Variants in BANK1 observed in about 807,000 individuals in gnomAD.
BANK1 encodes B cell scaffold protein with ankyrin repeats 1.
A neutral mutation model predicts 94.5 loss-of-function variants in BANK1; 95 were observed. The ratio of observed to expected loss-of-function variants is 1.00; its 90% CI spans 0.85 to 1.19. The LOEUF is 1.19. Ranked by LOEUF, BANK1 falls within the 50% of genes most tolerant of loss-of-function variation. The pLI, the probability that BANK1 is intolerant of heterozygous loss-of-function variation, is 0.00. For missense variants in BANK1, 987 were observed against 932.2 expected, an observed-to-expected ratio of 1.06 and a Z score of -0.77; for synonymous variants, 334 against 308.4, an observed-to-expected ratio of 1.08 and a Z score of -0.87.
chr4:101,881,766 C>T (rs1428120160), intron 5 of BANK1, among the ~76,000 whole-genome samples: 1 of 152,138 alleles, frequency 6.6e-6, no homozygotes, highest in Non-Finnish European at 1.5e-5. Flanking sequence ...TCATTTGCAA[C>T]AACATGGATA....
chr4:101,888,020 A>G (rs1290669960), intron 5 of BANK1, among the ~76,000 whole-genome samples: 1 of 152,194 alleles, frequency 6.6e-6, no homozygotes, highest in East Asian at 1.9e-4. Flanking sequence ...TATGTAAACT[A>G]TTTATCAAAT....
rs144425950 is a variant in BANK1, at chr4:101,958,827, A to G, written c.1206+40638A>G. ...CTGCTAGCACAGTGGCTGCAGTCCA[A>G]AACTCTAGTGGTAGACTGAATGACA... On this transcript the variant is annotated intron_variant, in intron 7 of 16. Coordinates refer to ENST00000322953, the MANE Select transcript of BANK1 (RefSeq NM_017935.5). Among the ~76,000 whole-genome samples, 67 of 152,324 alleles carry G rather than the reference A, an allele frequency of 4.4e-4. No individual in the cohort carries two copies. In the East Asian group the frequency reaches 0.01, roughly 23 times the overall value.
In BANK1 at chr4:101,974,807, AT is replaced by A. The variant is rs1485081493; in HGVS notation, c.1207-46705del. ...TACTAAAAATACAAAAAAAAAAAAAATTAGCTGGGCACGGTGGCAGGTGCCT... is the reference window on the plus strand; with the variant it reads ...TACTAAAAATACAAAAAAAAAAAAAATAGCTGGGCACGGTGGCAGGTGCCT... On this transcript the variant is annotated intron_variant, in intron 7 of 16. Transcript: ENST00000322953. 7.9e-5 allele frequency among the ~76,000 whole-genome samples: 11 copies of A among 139,236 alleles called. No individual in the cohort carries two copies. The East Asian group carries it at 1.5e-3, about 18-fold the overall frequency. 91.3% of individuals were successfully genotyped at this position (139,236 alleles called of 152,430 possible). A position where few individuals can be genotyped will look rare whatever the true frequency, so the allele number is the denominator to read the frequency against.
chr4:101,908,606 A>G (rs1722549275), intron 6 of BANK1, among the ~76,000 whole-genome samples: 1 of 152,228 alleles, frequency 6.6e-6, no homozygotes, highest in African/African-American at 2.4e-5. Flanking sequence ...AACTACCATC[A>G]GAGTGAACAG....
chr4:101,797,571 C>T (rs1344693159), intron 1 of BANK1, among the ~76,000 whole-genome samples: 2 of 151,940 alleles, frequency 1.3e-5, no homozygotes, highest in African/African-American at 4.8e-5. Flanking sequence ...AGAACTATTA[C>T]TTACATACCT....
intron 7 of BANK1, among the ~76,000 whole-genome samples, chr4:101,987,223 C>A: frequency 6.6e-6 from 1 of 151,566 alleles, no homozygotes; most frequent in East Asian, 1.9e-4. Context: ...GGTAATCAGT[C>A]CAGTTAATTA....
At chr4:101,830,290 A>G (rs1726567645) in intron 2 of BANK1, 84 bp downstream of exon 2, 6 of 1,145,790 alleles carry the variant, frequency 5.2e-6, no homozygotes, top group African/African-American at 1.6e-5. Flanking sequence ...TTTTAGAACC[A>G]ATAACTGGTG....
intron 2 of BANK1, among the ~76,000 whole-genome samples, chr4:101,833,557 C>T (rs929385520): frequency 1.3e-5 from 2 of 152,120 alleles, no homozygotes; most frequent in African/African-American, 4.8e-5. Flanking sequence ...TACAAGGTAC[C>T]CTTAGCCTTA....
intron 6 of BANK1, among the ~76,000 whole-genome samples, chr4:101,903,960 G>C (rs1372330437): frequency 6.6e-6 from 1 of 152,154 alleles, no homozygotes; most frequent in African/African-American, 2.4e-5. Context: ...GCAGCACAAA[G>C]TATATCATCC....
At chr4:101,823,264 C>A (rs1170777396) in intron 1 of BANK1, among the ~76,000 whole-genome samples, 1 of 152,068 alleles carries the variant, frequency 6.6e-6, no homozygotes, top group Non-Finnish European at 1.5e-5. Flanking sequence ...AATATATTTT[C>A]AAAAAATTTT....
chr4:101,898,970 T>G (rs1722184288), intron 6 of BANK1, among the ~76,000 whole-genome samples: 1 of 152,070 alleles, frequency 6.6e-6, no homozygotes, highest in South Asian at 2.1e-4. Context: ...AGTGAGGAAT[T>G]ACTACTCTCT....
At chr4:102,008,337 T>C (rs914784585) in intron 7 of BANK1, among the ~76,000 whole-genome samples, 1 of 152,210 alleles carries the variant, frequency 6.6e-6, no homozygotes, top group Non-Finnish European at 1.5e-5. Context: ...GTGAAACTCC[T>C]TTGAAAAACA....
intron 7 of BANK1, among the ~76,000 whole-genome samples, chr4:102,020,401 A>T (rs1270105290): frequency 3.3e-5 from 5 of 152,126 alleles, no homozygotes; most frequent in Non-Finnish European, 5.9e-5. Context: ...ATCAAAGGGA[A>T]AATATAATTG....
intron 5 of BANK1, among the ~76,000 whole-genome samples, chr4:101,885,553 T>C (rs1728820851): frequency 6.6e-6 from 1 of 152,240 alleles, no homozygotes; most frequent in African/African-American, 2.4e-5. Context: ...TTCTTTATTC[T>C]AGTATCTCTT....
intron 1 of BANK1, among the ~76,000 whole-genome samples, chr4:101,818,689 T>G (rs1726015285): frequency 6.6e-6 from 1 of 152,150 alleles, no homozygotes; most frequent in East Asian, 1.9e-4. Flanking sequence ...ACAGTTGTTC[T>G]ATTTTATTAA....
At chr4:101,920,766 C>T (rs567582613) in intron 7 of BANK1, among the ~76,000 whole-genome samples, 152 of 147,980 alleles carry the variant, frequency 1.0e-3, no homozygotes, top group Non-Finnish European at 1.9e-3. Context: ...TAGAATTTCA[C>T]AGGGAGTTAC....
At chr4:101,927,935 G>GCCAA (rs1723217744) in intron 7 of BANK1, among the ~76,000 whole-genome samples, 1 of 151,602 alleles carries the variant, frequency 6.6e-6, no homozygotes, top group African/African-American at 2.4e-5. Context: ...TGACCTGGAT[G>GCCAA]CCAAGTAAAA....
chr4:102,047,893 C>A (rs1202657775), intron 11 of BANK1, among the ~76,000 whole-genome samples: 1 of 151,782 alleles, frequency 6.6e-6, no homozygotes, highest in Non-Finnish European at 1.5e-5. Context: ...CATGTATAGA[C>A]AATTAGTACC....
intron 7 of BANK1, among the ~76,000 whole-genome samples, chr4:101,966,911 C>A (rs560943106): frequency 6.6e-6 from 1 of 152,160 alleles, no homozygotes; most frequent in South Asian, 2.1e-4. Flanking sequence ...CAAACTTTCT[C>A]TAAATCAGAA....
Sources: allele counts gnomAD v4.1 joint callset (sites outside exome capture counted in the v4.1 genomes callset), GRCh38; gene constraint gnomAD v4.1.1; transcripts MANE v1.5; gene names NCBI Gene and HGNC (gene_info 2026-07-23, HGNC 2026-07-21).